The following EIF4E variants were observed in gnomAD, a reference collection of about 807,000 sequenced individuals.
EIF4E encodes the protein eIF-4F 25 kDa subunit.
For missense variants in EIF4E, 113 were observed against 265.6 expected, an observed-to-expected ratio of 0.43 and a Z score of 3.99; for synonymous variants, 71 against 88.5, an observed-to-expected ratio of 0.80 and a Z score of 1.11.
intron 1 of EIF4E, among the ~76,000 whole-genome samples, chr4:98,908,497 A>G (rs1185013673): frequency 6.6e-6 from 1 of 152,260 alleles, no homozygotes; most frequent in Non-Finnish European, 1.5e-5. Flanking sequence ...TGGCAAAGAC[A>G]GCTGCAATTA....
rs544760736 is a variant in EIF4E at position 98,922,310 on chromosome 4, C to A, written c.18+6785G>T. Among the ~76,000 whole-genome samples, 59 of 152,258 alleles carry A rather than the reference C, an allele frequency of 3.9e-4. No individual in the cohort carries two copies. The South Asian group carries it at 0.01, about 26-fold the overall frequency. On this transcript the variant is annotated intron_variant, in intron 1 of 6. Transcript: ENST00000450253. ...CGGTGGCTCACGCCTGTAATCCCAG[C>A]ACTTTGGGAGGCTGAGGTGGGCGGA...
At chr4:98,902,137 T>G (rs1329369626) in intron 1 of EIF4E, among the ~76,000 whole-genome samples, 155 bp from the exon 2 acceptor site, 1 of 152,196 alleles carries the variant, frequency 6.6e-6, no homozygotes, top group Non-Finnish European at 1.5e-5. Flanking sequence ...CGTGCGATCT[T>G]GGCTCACTGC....
rs1419086193 is a variant in EIF4E at position 98,887,806 on chromosome 4, C to T, written c.285+83G>A. 11 of 1,251,348 alleles carry T rather than the reference C, an allele frequency of 8.8e-6. No homozygotes were observed. Among genetic ancestry groups the T allele is most frequent in the Non-Finnish European group, 1.3e-5 (11 of 867,508 alleles). 77.5% of individuals were successfully genotyped at this position (1,251,348 alleles called of 1,614,324 possible). Reference sequence around the variant, plus strand: ...CCTATTCATCACACTATCAAATATTCCTAAGTTTATGGTAAGATTTCTTAA... The same window carrying T: ...CCTATTCATCACACTATCAAATATTTCTAAGTTTATGGTAAGATTTCTTAA... On this transcript the variant is annotated intron_variant, in intron 4 of 6. Transcript: ENST00000450253. The surrounding 1 kb of genome is among the most constrained non-coding windows in gnomAD (Gnocchi z 4.0).
intron 1 of EIF4E, among the ~76,000 whole-genome samples, chr4:98,906,055 A>G (rs907716582): frequency 6.6e-6 from 1 of 152,192 alleles, no homozygotes; most frequent in South Asian, 2.1e-4. Context: ...GCTTTTCCAT[A>G]GTTTTGAACA....
At chr4:98,913,813 T>C (rs1051451504) in intron 1 of EIF4E, among the ~76,000 whole-genome samples, 1 of 152,056 alleles carries the variant, frequency 6.6e-6, no homozygotes, top group Non-Finnish European at 1.5e-5. Flanking sequence ...AAGGATCTAC[T>C]GAGTTCCAAG....
intron 2 of EIF4E, among the ~76,000 whole-genome samples, chr4:98,897,026 T>C (rs1470179868): frequency 1.3e-5 from 2 of 152,268 alleles, no homozygotes; most frequent in African/African-American, 4.8e-5. Flanking sequence ...AACAAGGAAT[T>C]ATTTAAATCA....
chr4:98,918,719 C>T (rs1225557028), intron 1 of EIF4E, among the ~76,000 whole-genome samples: 1 of 151,970 alleles, frequency 6.6e-6, no homozygotes, highest in Non-Finnish European at 1.5e-5. Flanking sequence ...CATATACCAT[C>T]AGAAAAAAGA....
intron 3 of EIF4E, 115 bp downstream of exon 3, chr4:98,891,122 A>T (rs1468267667): frequency 8.9e-7 from 1 of 1,127,812 alleles, no homozygotes; most frequent in Non-Finnish European, 1.3e-6. Context: ...ATAAAAAAAT[A>T]GATGAACATT....
chr4:98,895,544 T>C (rs1349718542), intron 2 of EIF4E: 1 of 152,186 alleles, frequency 6.6e-6, no homozygotes, highest in African/African-American at 2.4e-5. Context: ...AATCCTATAA[T>C]TAATGCTTGG....
intron 1 of EIF4E, chr4:98,909,392 A>G: frequency 2.6e-6 from 1 of 383,566 alleles, no homozygotes; most frequent in South Asian, 6.1e-5. Context: ...CATTCATTTG[A>G]CAAATTAAAT....
chr4:98,924,072 C>CT (rs1189645783), intron 1 of EIF4E, among the ~76,000 whole-genome samples: 2 of 148,918 alleles, frequency 1.3e-5, no homozygotes, highest in Non-Finnish European at 3.0e-5. Flanking sequence ...AAGGAAACTT[C>CT]TTTTGTTTAT....
intron 2 of EIF4E, among the ~76,000 whole-genome samples, 168 bp downstream of exon 2, chr4:98,901,708 C>G (rs1724655892): frequency 6.6e-6 from 1 of 152,220 alleles, no homozygotes; most frequent in South Asian, 2.1e-4. Context: ...GAACTCAAGA[C>G]TCACACATAA....
Position 98,887,546 on chromosome 4 carries a change from C to G in EIF4E, c.285+343G>C, listed in dbSNP as rs1000102685. 2.8e-4 allele frequency among the ~76,000 whole-genome samples: 42 copies of G among 152,100 alleles called. No homozygotes were observed. Among genetic ancestry groups the G allele is most frequent in the African/African-American group, 9.9e-4 (41 of 41,400 alleles). ...AGTTAATGAATGTCCCGTCCCTCTA[C>G]CAACTGACAAAGCCCAATAATAAGT... On this transcript the variant is annotated intron_variant, in intron 4 of 6. Coordinates refer to ENST00000450253, the MANE Select transcript of EIF4E (RefSeq NM_001968.5). This position sits in a 1 kb window ranked among gnomAD's most constrained non-coding sequence, Gnocchi z 4.0.
intron 6 of EIF4E, among the ~76,000 whole-genome samples, chr4:98,882,897 T>C (rs1195371848): frequency 2.0e-5 from 3 of 152,054 alleles, no homozygotes; most frequent in Non-Finnish European, 2.9e-5. Context: ...TAAAATATGA[T>C]GACAAATCAA....
rs1327431662 is a variant in EIF4E at position 98,911,686 on chromosome 4, A to G, written c.19-9704T>C. Among the ~76,000 whole-genome samples the G allele has an allele frequency of 3.7e-5, 5 of 134,638 alleles. No individual in the cohort carries two copies. In the South Asian group the frequency reaches 7.0e-4, roughly 19 times the overall value. The allele number at this position is 134,638 out of a possible 152,430, so 88.3% of individuals were successfully genotyped here. A position where few individuals can be genotyped will look rare whatever the true frequency, so the allele number is the denominator to read the frequency against. On this transcript the variant is annotated intron_variant, in intron 1 of 6. Coordinates refer to ENST00000450253, the MANE Select transcript of EIF4E (RefSeq NM_001968.5). ...CAAAAAAAAAAAAAAAAAAAAAAAA[A>G]GAAGACTTGTGGTCACCTTTTAACA... is the stretch of plus-strand genomic sequence containing the variant.
At chr4:98,904,294 G>A (rs1724770404) in intron 1 of EIF4E, among the ~76,000 whole-genome samples, 1 of 152,144 alleles carries the variant, frequency 6.6e-6, no homozygotes, top group Non-Finnish European at 1.5e-5. Context: ...AGTGAAGAAA[G>A]GGGAAGAAAG....
At chr4:98,914,756 C>A (rs1020298132) in intron 1 of EIF4E, among the ~76,000 whole-genome samples, 1 of 152,092 alleles carries the variant, frequency 6.6e-6, no homozygotes, top group Non-Finnish European at 1.5e-5. Context: ...CAGGAGTGAA[C>A]CCTAATGTAA....
rs981807645 is a variant in EIF4E, at chr4:98,898,015, T to C, written c.125+3861A>G. Reference sequence around the variant, plus strand: ...ACTGACAGACCAATGGATTTTAATGTAACAAAGTAGAAAAAAATTCTTGGA... The same window carrying C: ...ACTGACAGACCAATGGATTTTAATGCAACAAAGTAGAAAAAAATTCTTGGA... On this transcript the variant is annotated intron_variant, in intron 2 of 6. Transcript: ENST00000450253. Among the ~76,000 whole-genome samples, 9 of 152,060 alleles carry C rather than the reference T, an allele frequency of 5.9e-5. No homozygotes were observed. The South Asian group carries it at 6.2e-4, about 10-fold the overall frequency.
intron 1 of EIF4E, among the ~76,000 whole-genome samples, chr4:98,919,493 A>G (rs529180300): frequency 4.6e-5 from 7 of 152,112 alleles, no homozygotes; most frequent in African/African-American, 1.2e-4. Context: ...TATACCTTAT[A>G]AAGTTGAACT....
Sources: allele counts gnomAD v4.1 joint callset (sites outside exome capture counted in the v4.1 genomes callset), GRCh38; gene constraint gnomAD v4.1.1; non-coding constraint Gnocchi (gnomAD v3.1); transcripts MANE v1.5; gene names NCBI Gene and HGNC (gene_info 2026-07-23, HGNC 2026-07-21).